The following ADORA2B variants were observed in gnomAD, a reference collection of about 807,000 sequenced individuals.
ADORA2B encodes the protein adenosine receptor A2b.
Under a neutral mutation model 20.8 loss-of-function variants are expected in ADORA2B, and 18 were observed. The ratio of observed to expected loss-of-function variants is 0.87; its 90% CI spans 0.60 to 1.29. The LOEUF is 1.29. Ranked by LOEUF, ADORA2B falls within the 50% of genes most tolerant of loss-of-function variation. The probability of loss-of-function intolerance (pLI) is 0.00; values close to 1 mark genes in which losing one functional copy is unlikely to be tolerated. For synonymous variants in ADORA2B, 179 were observed against 178.3 expected (o/e 1.00, Z -0.03); for missense variants, 441 against 422.7 (o/e 1.04, Z -0.38).
At chr17:15,885,622 G>A in the ADORA2B span, among the ~76,000 whole-genome samples, 5 of 151,656 alleles carry the variant, frequency 3.3e-5, no homozygotes, top group East Asian at 1.9e-4. Context: ...GCTGAGGCAC[G>A]AGAATTGCTT....
chr17:15,954,953 C>G (rs955348976), intron 1 of ADORA2B, among the ~76,000 whole-genome samples: 1 of 151,950 alleles, frequency 6.6e-6, no homozygotes, highest in Non-Finnish European at 1.5e-5. Context: ...TTTGTTTTTC[C>G]TTGGTGTTCT....
chr17:15,891,443 A>G, the ADORA2B span, among the ~76,000 whole-genome samples: 1 of 152,184 alleles, frequency 6.6e-6, no homozygotes, highest in Non-Finnish European at 1.5e-5. Context: ...CAGACCTTTA[A>G]TGTAAGTGTA....
chr17:15,923,407 ATT>A, the ADORA2B span, among the ~76,000 whole-genome samples: 462 of 120,236 alleles, frequency 3.8e-3, 3 homozygotes, highest in Middle Eastern at 4.9e-3. Context: ...ATATATATAT[ATT>A]TTTTTTTTCT....
chr17:15,942,739 C>T (rs60969829), upstream of ADORA2B, among the ~76,000 whole-genome samples: 6,998 of 152,294 alleles, frequency 0.046, 547 homozygotes, highest in African/African-American at 0.16. Flanking sequence ...CATCCCCGCC[C>T]CGTCCTGTGA....
chr17:15,886,207 C>T, the ADORA2B span, among the ~76,000 whole-genome samples: 4 of 152,198 alleles, frequency 2.6e-5, no homozygotes, highest in Admixed American at 2.6e-4. Context: ...AGACTTTTGT[C>T]TCCCAGGCTC....
chr17:15,876,717 C>CT, the ADORA2B span, among the ~76,000 whole-genome samples: 26 of 151,900 alleles, frequency 1.7e-4, no homozygotes, highest in South Asian at 4.2e-4. Context: ...TTTCTGCTAT[C>CT]TTTTTTTTGT....
At chr17:15,915,592 A>G in the ADORA2B span, among the ~76,000 whole-genome samples, 2 of 145,352 alleles carry the variant, frequency 1.4e-5, no homozygotes, top group Admixed American at 6.9e-5. Context: ...TAGGAGATAG[A>G]TAGGTGATAG....
At chr17:15,917,978 T>C in the ADORA2B span, among the ~76,000 whole-genome samples, 1 of 152,184 alleles carries the variant, frequency 6.6e-6, no homozygotes, top group Non-Finnish European at 1.5e-5. Flanking sequence ...CTCCGTATCC[T>C]TGTGGGTGAT....
the ADORA2B span, among the ~76,000 whole-genome samples, chr17:15,852,436 C>T: frequency 2.0e-5 from 3 of 152,032 alleles, no homozygotes; most frequent in African/African-American, 7.2e-5. Flanking sequence ...AAGATTACAT[C>T]ATCCAGAACC....
At chr17:15,867,348 C>T in the ADORA2B span, among the ~76,000 whole-genome samples, 1 of 152,094 alleles carries the variant, frequency 6.6e-6, no homozygotes, top group South Asian at 2.1e-4. Context: ...AGGAGCGTCT[C>T]TGCCAGGCCG....
the ADORA2B span, among the ~76,000 whole-genome samples, chr17:15,854,564 A>G: frequency 6.6e-6 from 1 of 152,334 alleles, no homozygotes; most frequent in South Asian, 2.1e-4. Flanking sequence ...TATGAATGAG[A>G]TAGGAATGCC....
the ADORA2B span, among the ~76,000 whole-genome samples, chr17:15,905,068 A>AG: frequency 4.6e-5 from 7 of 152,204 alleles, 1 homozygote; most frequent in Non-Finnish European, 1.5e-5. Context: ...CCAAAAAAAA[A>AG]GGTTTGCTAG....
At chr17:15,953,575 A>G (rs547694971) in intron 1 of ADORA2B, among the ~76,000 whole-genome samples, 2 of 152,202 alleles carry the variant, frequency 1.3e-5, no homozygotes, top group South Asian at 2.1e-4. Flanking sequence ...CTTCTCCCCT[A>G]TGCCCCACTT....
chr17:15,922,379 C>T, the ADORA2B span, among the ~76,000 whole-genome samples: 2 of 152,218 alleles, frequency 1.3e-5, no homozygotes, highest in Non-Finnish European at 2.9e-5. Flanking sequence ...CTCCAAGACA[C>T]ATTGCTATCA....
At chr17:15,866,957 G>A in the ADORA2B span, among the ~76,000 whole-genome samples, 7 of 152,212 alleles carry the variant, frequency 4.6e-5, no homozygotes, top group East Asian at 9.6e-4. Flanking sequence ...ACTGGTTTTC[G>A]TATTTTTTTG....
the ADORA2B span, among the ~76,000 whole-genome samples, chr17:15,858,503 G>A: frequency 6.6e-6 from 1 of 152,212 alleles, no homozygotes; most frequent in Non-Finnish European, 1.5e-5. Flanking sequence ...GGGTGCAGGA[G>A]TGAAAGGGAG....
chr17:15,866,694 T>TGCCTCTGCCGCTGCCG, the ADORA2B span, among the ~76,000 whole-genome samples: 35 of 143,792 alleles, frequency 2.4e-4, no homozygotes, highest in Admixed American at 4.8e-4. Flanking sequence ...TCCCTCTGCC[T>TGCCTCTGCCGCTGCCG]CTGCCTCTGC....
At chr17:15,948,902 A>G (rs1969854413) in intron 1 of ADORA2B, among the ~76,000 whole-genome samples, 1 of 152,122 alleles carries the variant, frequency 6.6e-6, no homozygotes, top group Non-Finnish European at 1.5e-5. Flanking sequence ...ATGTTTTTCA[A>G]AACTTAAAAA....
At chr17:15,867,488 G>T in the ADORA2B span, among the ~76,000 whole-genome samples, 4 of 149,456 alleles carry the variant, frequency 2.7e-5, no homozygotes, top group Non-Finnish European at 3.0e-5. Flanking sequence ...CGTCTGAGAA[G>T]TGAGGAGCCC....
Sources: allele counts gnomAD v4.1 joint callset (sites outside exome capture counted in the v4.1 genomes callset), GRCh38; gene constraint gnomAD v4.1.1; transcripts MANE v1.5; gene names NCBI Gene and HGNC (gene_info 2026-07-23, HGNC 2026-07-21).